CADPS2: variants seen among roughly 807,000 people sequenced by gnomAD.
The protein encoded by CADPS2 is calcium-dependent secretion activator 2.
In CADPS2, 93 loss-of-function variants were observed where a neutral mutation model predicts 172.5. The ratio of observed to expected loss-of-function variants is 0.54; its 90% CI spans 0.46 to 0.64. The LOEUF (loss-of-function observed/expected upper bound fraction) is 0.64, where lower values mean the gene tolerates loss of function less well. CADPS2 is among the 30% of genes least tolerant of loss of function. CADPS2 has a pLI of 0.00. For missense variants in CADPS2, 1,420 were observed against 1,565.9 expected (o/e 0.91, Z 1.57); for synonymous variants, 546 against 555.2 (o/e 0.98, Z 0.23).
intron 5 of CADPS2, among the ~76,000 whole-genome samples, chr7:122,617,904 T>A (rs2430027): frequency 1.3e-5 from 2 of 152,142 alleles, no homozygotes; most frequent in East Asian, 1.9e-4. Context: ...TTAGCCTGGC[T>A]TGGTGGCAGG....
chr7:122,868,208 A>G (rs968433695), intron 1 of CADPS2, among the ~76,000 whole-genome samples: 1 of 152,034 alleles, frequency 6.6e-6, no homozygotes, highest in Non-Finnish European at 1.5e-5. Flanking sequence ...AAGTTGATGG[A>G]GCTCTACACT....
rs1189914766 is a variant in CADPS2 at position 122,581,705 on chromosome 7, T to C, written c.1224-415A>G. On this transcript the variant is annotated intron_variant, in intron 6 of 29. Transcript: ENST00000449022. ...AAATGATTTTTATATACTAAAGACT[T>C]TACCCCACCTGAGAGGTCTTTATTA... Among the ~76,000 whole-genome samples, 4 of 152,138 alleles carry C rather than the reference T, an allele frequency of 2.6e-5. No individual in the cohort carries two copies. In the East Asian group the frequency reaches 5.8e-4, roughly 22 times the overall value.
At chr7:122,326,119 C>T (rs1245419915) in intron 28 of CADPS2, among the ~76,000 whole-genome samples, 2 of 150,514 alleles carry the variant, frequency 1.3e-5, no homozygotes, top group Non-Finnish European at 3.0e-5. Flanking sequence ...AATCCTCAAT[C>T]ACACCTTTAT....
chr7:122,666,934 G>A (rs1215092780), intron 2 of CADPS2, among the ~76,000 whole-genome samples: 4 of 152,202 alleles, frequency 2.6e-5, no homozygotes, highest in Non-Finnish European at 5.9e-5. Flanking sequence ...CTGCCATGCA[G>A]TAAGACACAC....
At chr7:122,838,866 T>G (rs909176243) in intron 1 of CADPS2, among the ~76,000 whole-genome samples, 1 of 152,194 alleles carries the variant, frequency 6.6e-6, no homozygotes, top group Non-Finnish European at 1.5e-5. Flanking sequence ...AGGTAATTTA[T>G]AGATTCAATG....
intron 27 of CADPS2, among the ~76,000 whole-genome samples, chr7:122,358,411 G>A (rs1248216510): frequency 6.6e-6 from 1 of 152,012 alleles, no homozygotes; most frequent in Non-Finnish European, 1.5e-5. Context: ...CTTCCCATTT[G>A]TGGCTTTTCT....
At chr7:122,800,192 A>G (rs1470423166) in intron 1 of CADPS2, among the ~76,000 whole-genome samples, 1 of 152,220 alleles carries the variant, frequency 6.6e-6, no homozygotes. Flanking sequence ...TTATAATACT[A>G]GTTTTATTCC....
chr7:122,747,007 A>G (rs1424048429), intron 1 of CADPS2, among the ~76,000 whole-genome samples: 3 of 152,156 alleles, frequency 2.0e-5, no homozygotes, highest in African/African-American at 7.2e-5. Flanking sequence ...AAGGACCATG[A>G]TAATAGCCTC....
chr7:122,474,342 T>C, intron 13 of CADPS2, 39 bp downstream of exon 13: 1 of 1,580,930 alleles, frequency 6.3e-7, no homozygotes, highest in Non-Finnish European at 8.6e-7. Context: ...TAAAATCTTT[T>C]ATTCCAACTT....
Position 122,726,185 on chromosome 7 carries a change from A to G in CADPS2, c.453+10770T>C, listed in dbSNP as rs143141168. 4.1e-3 allele frequency among the ~76,000 whole-genome samples: 619 copies of G among 152,146 alleles called. 3 individuals are homozygous for G. Among genetic ancestry groups the G allele is most frequent in the African/African-American group, 0.014 (588 of 41,554 alleles). The stretch of plus-strand genomic sequence containing the variant: ...TAGAAACTGTCAATGACAAAAATGA[A>G]TATTCTTGACAACTGTAAGGGGGAC... On this transcript the variant is annotated intron_variant, in intron 2 of 29. Transcript: ENST00000449022.
chr7:122,360,811 C>G lies in CADPS2; in HGVS notation c.3481G>C (p.Ala1161Pro). 6.4e-7 allele frequency: 1 copy of G among 1,566,032 alleles called. No homozygotes were observed. Among genetic ancestry groups the G allele is most frequent in the Non-Finnish European group, 8.7e-7 (1 of 1,154,996 alleles). ...ACTGGAACATCAACATATTTTGCAG[C>G]TGCTTTCACCTTAAGTGTGAAAGAA... ...SSILSFTVKAAAKYVDVPKPG... is the reference protein window; with the variant it reads ...SSILSFTVKAPAKYVDVPKPG... Residue 1161 changes from alanine (A) to proline (P), a missense_variant, in exon 27 of 30, where the codon GCT (alanine) becomes CCT (proline). Ala to Pro is a conservative substitution (Grantham distance 27, BLOSUM62 -1). Transcript: ENST00000449022.
rs1238181533 is a variant in CADPS2, at chr7:122,663,447, A to G, written c.576T>C (p.Asp192=). 1 of 1,613,944 alleles carries G rather than the reference A, an allele frequency of 6.2e-7. No individual in the cohort carries two copies. Among genetic ancestry groups the G allele is most frequent in the Admixed American group, 1.7e-5 (1 of 60,014 alleles). ...EKRVRSLPEI[D]GLSKETVLSS... is the part of the protein sequence containing the mutation. The stretch of plus-strand genomic sequence containing the variant: ...TCAACACTGTCTCTTTGCTCAAGCC[A>G]TCTATTTCTGGCAAACTCCGCACAC... Residue 192 remains aspartate (D), a synonymous_variant, in exon 3 of 30, where the codon GAT becomes GAC. Transcript: ENST00000449022.
intron 8 of CADPS2, among the ~76,000 whole-genome samples, chr7:122,530,086 T>C (rs2061627976): frequency 6.6e-6 from 1 of 152,058 alleles, no homozygotes; most frequent in African/African-American, 2.4e-5. Flanking sequence ...TCATACTTAA[T>C]ACAAAAATAA....
intron 8 of CADPS2, among the ~76,000 whole-genome samples, chr7:122,528,815 T>C (rs911433438): frequency 5.3e-5 from 8 of 152,270 alleles, no homozygotes; most frequent in African/African-American, 1.7e-4. Flanking sequence ...TGTGATATCT[T>C]TGATTATTCA....
At chr7:122,820,318 C>G (rs919981939) in intron 1 of CADPS2, among the ~76,000 whole-genome samples, 4 of 152,108 alleles carry the variant, frequency 2.6e-5, no homozygotes, top group Non-Finnish European at 4.4e-5. Context: ...TTACTTCAAT[C>G]AAGCCCAAAT....
chr7:122,553,571 C>T (rs1265349097), intron 8 of CADPS2, among the ~76,000 whole-genome samples: 1 of 152,146 alleles, frequency 6.6e-6, no homozygotes, highest in Non-Finnish European at 1.5e-5. Context: ...ACCATCCCAA[C>T]TGTAATGTAT....
chr7:122,810,692 G>A (rs1799838497), intron 1 of CADPS2, among the ~76,000 whole-genome samples: 1 of 152,114 alleles, frequency 6.6e-6, no homozygotes, highest in Non-Finnish European at 1.5e-5. Flanking sequence ...TTTAGCTCAA[G>A]TGATCCTTCT....
At chr7:122,525,295 A>C (rs551372904) in intron 8 of CADPS2, among the ~76,000 whole-genome samples, 2 of 152,318 alleles carry the variant, frequency 1.3e-5, no homozygotes, top group South Asian at 4.1e-4. Context: ...TTTAGTAAAC[A>C]AACTATGTCT....
At chr7:122,567,276 C>T (rs1199611023) in intron 7 of CADPS2, among the ~76,000 whole-genome samples, 2 of 152,018 alleles carry the variant, frequency 1.3e-5, no homozygotes, top group East Asian at 1.9e-4. Context: ...CAGTTTGCAG[C>T]GAACTCAATC....
Sources: allele counts gnomAD v4.1 joint callset (sites outside exome capture counted in the v4.1 genomes callset), GRCh38; gene constraint gnomAD v4.1.1; transcripts MANE v1.5; gene names NCBI Gene and HGNC (gene_info 2026-07-23, HGNC 2026-07-21).